The following ANXA8 variants were observed in gnomAD, a reference collection of about 807,000 sequenced individuals.
The protein encoded by ANXA8 is annexin A8.
ANXA8 carries 9 observed loss-of-function variants against 26.8 expected under a neutral mutation model. The observed-to-expected ratio is 0.34, with a 90% confidence interval of 0.20 to 0.59. The LOEUF (loss-of-function observed/expected upper bound fraction) is 0.59, where lower values mean the gene tolerates loss of function less well. Among genes scored for constraint, ANXA8 ranks in the 20% least tolerant of loss-of-function variants. The pLI, the probability that ANXA8 is intolerant of heterozygous loss-of-function variation, is 0.84. For synonymous variants in ANXA8, 39 were observed against 94.8 expected (o/e 0.41, Z 3.42); for missense variants, 83 against 238.5 (o/e 0.35, Z 4.29).
the ANXA8 span, among the ~76,000 whole-genome samples, chr10:47,558,451 C>G: frequency 6.6e-6 from 1 of 151,742 alleles, no homozygotes; most frequent in South Asian, 2.1e-4. Context: ...ACCTTCATTC[C>G]TACTAGCACA....
In ANXA8 at chr10:47,474,928, G is replaced by A; in HGVS notation, c.552+17C>T. Reference sequence around the variant, plus strand: ...GGCAGGGGGTGGGGCCACATGGCCGGCTGGGCGCAGCCTCACCTGTGCGTC... The same window carrying A: ...GGCAGGGGGTGGGGCCACATGGCCGACTGGGCGCAGCCTCACCTGTGCGTC... On this transcript the variant is annotated intron_variant, in intron 7 of 11. Coordinates refer to ENST00000585281, the MANE Select transcript of ANXA8 (RefSeq NM_001040084.3). 7.2e-6 allele frequency: 11 copies of A among 1,533,050 alleles called. 4 individuals carry two copies. Among genetic ancestry groups the A allele is most frequent in the South Asian group, 2.3e-5 (2 of 86,380 alleles). 95.0% of individuals were successfully genotyped at this position (1,533,050 alleles called of 1,614,324 possible).
At chr10:47,546,581 T>C in the ANXA8 span, among the ~76,000 whole-genome samples, 2 of 137,716 alleles carry the variant, frequency 1.5e-5, no homozygotes, top group Admixed American at 1.5e-4. Flanking sequence ...TTTTTTTGTA[T>C]TTTTTTAGTA....
chr10:47,552,135 A>G, the ANXA8 span, among the ~76,000 whole-genome samples: 23 of 151,952 alleles, frequency 1.5e-4, no homozygotes, highest in African/African-American at 5.1e-4. Context: ...GCTATAAATT[A>G]GATGAGTTAC....
the ANXA8 span, among the ~76,000 whole-genome samples, chr10:47,559,142 CTTTTTTT>C: frequency 0.035 from 2,530 of 73,260 alleles, 76 homozygotes; most frequent in African/African-American, 0.14. Flanking sequence ...TGGAGTCTTA[CTTTTTTT>C]TTTTTTTTTT....
chr10:47,546,338 A>G, the ANXA8 span, among the ~76,000 whole-genome samples: 54 of 134,550 alleles, frequency 4.0e-4, no homozygotes, highest in African/African-American at 1.5e-3. Context: ...ATTAAGTAAA[A>G]AAACAGAAAG....
chr10:47,733,142 A>AATCTATCT, the ANXA8 span, among the ~76,000 whole-genome samples: 10 of 135,564 alleles, frequency 7.4e-5, no homozygotes, highest in East Asian at 1.6e-3. Context: ...CCAACTCCCT[A>AATCTATCT]ATCTTTCTTT....
At chr10:47,624,578 G>GT in the ANXA8 span, among the ~76,000 whole-genome samples, 3 of 78,108 alleles carry the variant, frequency 3.8e-5, no homozygotes, top group African/African-American at 1.4e-4. Context: ...GATTGTTCAT[G>GT]TATTTTTTTT....
chr10:47,985,806 C>G, the ANXA8 span: 18 of 149,858 alleles, frequency 1.2e-4, no homozygotes, highest in African/African-American at 3.9e-4. Context: ...TTTTAAATCA[C>G]AGATTCATTT....
At chr10:47,665,146 G>C in the ANXA8 span, among the ~76,000 whole-genome samples, 2 of 148,732 alleles carry the variant, frequency 1.3e-5, no homozygotes, top group African/African-American at 5.2e-5. Flanking sequence ...GTACTAACTA[G>C]AAGTAGTATA....
At chr10:47,592,544 G>A in the ANXA8 span, among the ~76,000 whole-genome samples, 5 of 149,242 alleles carry the variant, frequency 3.4e-5, no homozygotes, top group African/African-American at 1.3e-4. Context: ...GCAAGAGGGT[G>A]TCCACAGCAC....
chr10:47,894,619 C>T, the ANXA8 span, among the ~76,000 whole-genome samples: 1 of 81,370 alleles, frequency 1.2e-5, no homozygotes, highest in East Asian at 2.0e-4. Flanking sequence ...ACACACACTA[C>T]ACACACCACA....
chr10:47,737,642 T>C, the ANXA8 span, among the ~76,000 whole-genome samples: 1 of 151,166 alleles, frequency 6.6e-6, no homozygotes, highest in South Asian at 2.1e-4. Flanking sequence ...TTTGCCCATC[T>C]GTTCTTTTTT....
At chr10:47,748,397 G>C in the ANXA8 span, among the ~76,000 whole-genome samples, 3 of 150,922 alleles carry the variant, frequency 2.0e-5, no homozygotes, top group Non-Finnish European at 4.4e-5. Flanking sequence ...TTTTTTAGTG[G>C]AGACGGGGTT....
chr10:47,654,202 C>T, the ANXA8 span, among the ~76,000 whole-genome samples: 2 of 149,446 alleles, frequency 1.3e-5, no homozygotes, highest in Non-Finnish European at 3.0e-5. Flanking sequence ...TTCAGATTGT[C>T]ATGGGTTAAA....
At chr10:47,618,121 A>G in the ANXA8 span, among the ~76,000 whole-genome samples, 2 of 110,262 alleles carry the variant, frequency 1.8e-5, no homozygotes, top group East Asian at 4.2e-4. Flanking sequence ...TTCATTCACA[A>G]CAAAAACGAT....
At chr10:47,595,666 AT>A in the ANXA8 span, among the ~76,000 whole-genome samples, 2 of 141,730 alleles carry the variant, frequency 1.4e-5, no homozygotes, top group East Asian at 3.9e-4. Context: ...GGACAAAAAA[AT>A]GTTATTGCTT....
chr10:47,772,477 A>G, the ANXA8 span, among the ~76,000 whole-genome samples: 1 of 152,246 alleles, frequency 6.6e-6, no homozygotes, highest in African/African-American at 2.4e-5. Flanking sequence ...GCTGGTTTCA[A>G]GGAGACCAAG....
the ANXA8 span, among the ~76,000 whole-genome samples, chr10:47,666,871 A>G: frequency 6.6e-6 from 1 of 152,118 alleles, no homozygotes; most frequent in Non-Finnish European, 1.5e-5. Flanking sequence ...GCGGTTTTTC[A>G]AGAAACATTT....
the ANXA8 span, among the ~76,000 whole-genome samples, chr10:47,746,800 C>A: frequency 2.0e-5 from 2 of 100,120 alleles, no homozygotes; most frequent in Non-Finnish European, 4.0e-5. Context: ...TGTTATGCAC[C>A]ATTATAGCAA....
Sources: gnomAD v4.1 joint callset for allele counts (sites outside exome capture counted in the v4.1 genomes callset) on GRCh38, gnomAD v4.1.1 for gene constraint, MANE v1.5 for transcripts, NCBI Gene and HGNC (gene_info 2026-07-23, HGNC 2026-07-21) for gene names.